Variants in BMPR2 observed in about 807,000 individuals in gnomAD.
The protein encoded by BMPR2 is bone morphogenetic protein receptor type-2.
BMPR2 carries 29 observed loss-of-function variants against 100.8 expected under a neutral mutation model. The observed-to-expected ratio is 0.29, with a 90% CI of 0.21 to 0.39. The LOEUF is 0.39. Among genes scored for constraint, BMPR2 ranks in the 10% least tolerant of loss-of-function variants. BMPR2 has a pLI of 1.00. For missense variants in BMPR2, 1,011 were observed against 1,274.5 expected (o/e 0.79, Z 3.15); for synonymous variants, 382 against 442.3 (o/e 0.86, Z 1.71).
chr2:202,403,682 A>G (rs1028232926), intron 1 of BMPR2, among the ~76,000 whole-genome samples: 6 of 152,144 alleles, frequency 3.9e-5, no homozygotes, highest in African/African-American at 1.4e-4. Context: ...CCTACTGAAC[A>G]TTTTACTTTA....
chr2:202,532,853 A>G lies in BMPR2; in HGVS notation c.1276+121A>G. ...TCTTTTTACTTTCATTTAAACCTTT[A>G]GTTCATTGCTATCTAGTGTTTAGAA... On this transcript the variant is annotated intron_variant, in intron 9 of 12. Coordinates refer to ENST00000374580, the MANE Select transcript of BMPR2 (RefSeq NM_001204.7). The surrounding 1 kb of genome is among the most constrained non-coding windows in gnomAD (Gnocchi z 4.1). 8.3e-7 allele frequency: 1 copy of G among 1,198,644 alleles called. No individual in the cohort carries two copies. The allele number at this position is 1,198,644 out of a possible 1,614,324, so 74.3% of individuals were successfully genotyped here.
chr2:202,442,361 A>C (rs183870619), intron 1 of BMPR2, among the ~76,000 whole-genome samples: 1 of 150,606 alleles, frequency 6.6e-6, no homozygotes, highest in East Asian at 1.9e-4. Flanking sequence ...ATTGAAATCT[A>C]TAAATTGTAG....
intron 3 of BMPR2, among the ~76,000 whole-genome samples, chr2:202,481,635 T>G (rs982810738): frequency 6.6e-6 from 1 of 152,226 alleles, no homozygotes; most frequent in Admixed American, 6.5e-5. Flanking sequence ...TCTTAATTCA[T>G]GAACACGATA....
At chr2:202,535,144 A>C (rs1163001811) in intron 9 of BMPR2, among the ~76,000 whole-genome samples, 9 of 89,118 alleles carry the variant, frequency 1.0e-4, no homozygotes, top group Admixed American at 4.5e-4. Flanking sequence ...TGACCCCCCC[A>C]CCTCCCTCCC....
chr2:202,414,764 G>A (rs1227609339), intron 1 of BMPR2, among the ~76,000 whole-genome samples: 1 of 152,050 alleles, frequency 6.6e-6, no homozygotes, highest in Non-Finnish European at 1.5e-5. Flanking sequence ...TTTGGAGACA[G>A]AGTCTCCCTC....
rs1692777143 is a variant in BMPR2, at chr2:202,486,329, T to C, written c.418+18640T>C. On this transcript the variant is annotated intron_variant, in intron 3 of 12. Coordinates refer to ENST00000374580, the MANE Select transcript of BMPR2 (RefSeq NM_001204.7). The stretch of plus-strand genomic sequence containing the variant: ...CTGAAATATTTGTATTATTTTGAAA[T>C]AGCAAAATAATGAGACAGGCCGGGC... Among the ~76,000 whole-genome samples, 4 of 152,240 alleles carry C rather than the reference T, an allele frequency of 2.6e-5. No individual in the cohort carries two copies. The South Asian group carries it at 8.3e-4, about 32-fold the overall frequency.
rs528169222 is a variant in BMPR2, at chr2:202,470,576, A to G, written c.418+2887A>G. Among the ~76,000 whole-genome samples the G allele has an allele frequency of 2.3e-3, 342 of 151,634 alleles. 1 individual carries two copies. Among genetic ancestry groups the G allele is most frequent in the African/African-American group, 7.8e-3 (322 of 41,324 alleles). On this transcript the variant is annotated intron_variant, in intron 3 of 12. Coordinates refer to ENST00000374580, the MANE Select transcript of BMPR2 (RefSeq NM_001204.7). ...GGAGATCGAGACCATCCTGGCTAAC[A>G]AGGTGAAACCCCGTCTCTACTAAAA...
At chr2:202,489,752 C>T (rs1348583762) in intron 3 of BMPR2, among the ~76,000 whole-genome samples, 1 of 152,084 alleles carries the variant, frequency 6.6e-6, no homozygotes, top group Non-Finnish European at 1.5e-5. Flanking sequence ...ATTTTGTCTA[C>T]AATTGTGAGA....
At chr2:202,442,029 GTC>G (rs1691758392) in intron 1 of BMPR2, among the ~76,000 whole-genome samples, 1 of 148,792 alleles carries the variant, frequency 6.7e-6, no homozygotes, top group Non-Finnish European at 1.5e-5. Context: ...GCGAGACTTT[GTC>G]TCTCAAAAAA....
chr2:202,401,722 A>G (rs1690772185), intron 1 of BMPR2, among the ~76,000 whole-genome samples: 1 of 152,232 alleles, frequency 6.6e-6, no homozygotes, highest in African/African-American at 2.4e-5. Flanking sequence ...AATATAGTGG[A>G]CAAAAATTTG....
chr2:202,424,944 ATT>A lies in BMPR2; in HGVS notation c.77-39864_77-39863del, dbSNP rs1228891132. Reference sequence around the variant, plus strand: ...ACAACTTCAAGACAAATTTTAAGAGATTAATTGAGCAAACATTTTTTTTTTTT... The same window carrying A: ...ACAACTTCAAGACAAATTTTAAGAGAAATTGAGCAAACATTTTTTTTTTTT... On this transcript the variant is annotated intron_variant, in intron 1 of 12. Coordinates refer to ENST00000374580, the MANE Select transcript of BMPR2 (RefSeq NM_001204.7). 2.5e-3 allele frequency among the ~76,000 whole-genome samples: 387 copies of A among 152,104 alleles called. 1 individual carries two copies. The highest frequency in any genetic ancestry group is 9.0e-3 in the African/African-American group (373 of 41,512).
rs144161668 is a variant in BMPR2 at position 202,504,678 on chromosome 2, C to CTTT, written c.419-9022_419-9020dup. Reference sequence around the variant, plus strand: ...CAGGAGTTTTCCATCATAGTAGATTCTTTTTTTTTTTTTTTTTTTTTGAGA... The same window carrying CTTT: ...CAGGAGTTTTCCATCATAGTAGATTCTTTTTTTTTTTTTTTTTTTTTTTTGAGA... On this transcript the variant is annotated intron_variant, in intron 3 of 12. Transcript: ENST00000374580. 2.2e-3 allele frequency among the ~76,000 whole-genome samples: 250 copies of CTTT among 112,438 alleles called. 9 individuals are homozygous for CTTT. The highest frequency in any genetic ancestry group is 7.5e-3 in the African/African-American group (218 of 28,968). The allele number at this position is 112,438 out of a possible 152,430, so 73.8% of individuals were successfully genotyped here. A position where few individuals can be genotyped will look rare whatever the true frequency, so the allele number is the denominator to read the frequency against.
At chr2:202,513,171 A>G (rs1342021640) in intron 3 of BMPR2, among the ~76,000 whole-genome samples, 1 of 151,472 alleles carries the variant, frequency 6.6e-6, no homozygotes, top group Non-Finnish European at 1.5e-5. Context: ...GCATTTTGCT[A>G]TGTTGTCCAG....
intron 1 of BMPR2, among the ~76,000 whole-genome samples, chr2:202,428,205 T>G (rs1298163683): frequency 6.6e-6 from 1 of 152,140 alleles, no homozygotes; most frequent in Non-Finnish European, 1.5e-5. Context: ...TTTTACCCTT[T>G]TCTTAGCACG....
rs1688730358 is a variant in BMPR2, at chr2:202,564,782, T to A, written c.*4836T>A. 2 of 152,262 alleles carry A rather than the reference T, an allele frequency of 1.3e-5. No homozygotes were observed. Among genetic ancestry groups the A allele is most frequent in the Non-Finnish European group, 2.9e-5 (2 of 68,110 alleles). 9.4% of individuals were successfully genotyped at this position (152,262 alleles called of 1,614,324 possible). ...TCATAGTTAGGCTGGGCGCGGTGGC[T>A]CACGCCTGTAATCCCAGCACTTTGG... On this transcript the variant is annotated 3_prime_UTR_variant, in exon 13 of 13. Coordinates refer to ENST00000374580, the MANE Select transcript of BMPR2 (RefSeq NM_001204.7).
chr2:202,377,804 T>G (rs1414171045), intron 1 of BMPR2, among the ~76,000 whole-genome samples: 1 of 152,258 alleles, frequency 6.6e-6, no homozygotes, highest in Non-Finnish European at 1.5e-5. Context: ...AAAGACATAT[T>G]GGGTGTGGTA....
intron 1 of BMPR2, among the ~76,000 whole-genome samples, chr2:202,436,949 A>G (rs1295825960): frequency 6.7e-6 from 1 of 150,026 alleles, no homozygotes; most frequent in Non-Finnish European, 1.5e-5. Context: ...ATGCTTTCCC[A>G]TTTTATTCAC....
At chr2:202,477,956 T>C (rs1692584072) in intron 3 of BMPR2, among the ~76,000 whole-genome samples, 1 of 152,180 alleles carries the variant, frequency 6.6e-6, no homozygotes, top group Non-Finnish European at 1.5e-5. Flanking sequence ...TTTTACTTGC[T>C]AAAATGTATT....
intron 3 of BMPR2, among the ~76,000 whole-genome samples, chr2:202,493,915 T>C (rs190915430): frequency 9.8e-5 from 15 of 152,326 alleles, no homozygotes; most frequent in African/African-American, 3.4e-4. Context: ...TCTTCCAAGC[T>C]AGATCTATTC....
Sources: gnomAD v4.1 joint callset for allele counts (sites outside exome capture counted in the v4.1 genomes callset) on GRCh38, gnomAD v4.1.1 for gene constraint, Gnocchi (gnomAD v3.1) non-coding constraint, MANE v1.5 for transcripts, NCBI Gene and HGNC (gene_info 2026-07-23, HGNC 2026-07-21) for gene names.